Variants in PRH1 observed in about 807,000 individuals in gnomAD.
PRH1 encodes the protein proline rich protein HaeIII subfamily 1.
A neutral mutation model predicts 7.9 loss-of-function variants in PRH1; 7 were observed. The observed-to-expected ratio is 0.89, with a 90% CI of 0.50 to 1.67. PRH1 has a LOEUF of 1.67. Among genes scored for constraint, PRH1 ranks in the 40% most tolerant of loss-of-function variants. The pLI is 0.00. For synonymous variants in PRH1, 45 were observed against 80.8 expected, an observed-to-expected ratio of 0.56 and a Z score of 2.38; for missense variants, 109 against 223.6, an observed-to-expected ratio of 0.49 and a Z score of 3.27.
intron 1 of PRH1, among the ~76,000 whole-genome samples, chr12:11,090,266 G>C (rs112872106): frequency 2.1e-3 from 193 of 90,894 alleles, no homozygotes; most frequent in Non-Finnish European, 2.9e-3. Context: ...CAAAAAGTTT[G>C]ACTGAAATAT....
intron 1 of PRH1, chr12:11,133,833 G>A: frequency 6.2e-7 from 1 of 1,614,058 alleles, no homozygotes; most frequent in Non-Finnish European, 8.5e-7. Context: ...ACCAAAAATA[G>A]CAAAGGCCCC....
At chr12:11,170,808 G>A (rs1462010905) in intron 1 of PRH1, among the ~76,000 whole-genome samples, 1 of 152,138 alleles carries the variant, frequency 6.6e-6, no homozygotes, top group Non-Finnish European at 1.5e-5. Context: ...CTAATAAATA[G>A]AAAAATCCAA....
At chr12:11,129,747 T>C (rs1946272848) in intron 1 of PRH1, among the ~76,000 whole-genome samples, 2 of 152,254 alleles carry the variant, frequency 1.3e-5, no homozygotes, top group Non-Finnish European at 2.9e-5. Context: ...TCAAAACAAT[T>C]TGCCTTGTAA....
rs137897749 is a variant in PRH1 at position 11,109,750 on chromosome 12, C to T, written n.123+61672G>A. ...AAAAAAGGCTGAAAATTCCAAAAAC[C>T]GGAAGCCTCTTCTCTTCCAAAGGAT... On this transcript the variant is annotated intron_variant and non_coding_transcript_variant, in intron 1 of 4. Coordinates refer to the PRH1 transcript ENST00000541977. Among the ~76,000 whole-genome samples, 223 of 151,996 alleles carry T rather than the reference C, an allele frequency of 1.5e-3. 7 individuals carry two copies. The East Asian group carries it at 0.035, about 24-fold the overall frequency.
At chr12:11,122,075 T>C (rs74062441) in intron 1 of PRH1, among the ~76,000 whole-genome samples, 5,409 of 152,338 alleles carry the variant, frequency 0.036, 312 homozygotes, top group African/African-American at 0.12. Flanking sequence ...TTCATACACA[T>C]GCACACATAT....
At chr12:10,904,313 ATAT>A (rs1365099563) in intron 2 of PRH1, among the ~76,000 whole-genome samples, 6 of 152,028 alleles carry the variant, frequency 3.9e-5, no homozygotes, top group African/African-American at 1.4e-4. Flanking sequence ...CAGCATGGTA[ATAT>A]TATAAAAACA....
intron 2 of PRH1, chr12:10,965,183 C>T (rs952700098): frequency 3.4e-6 from 5 of 1,486,112 alleles, no homozygotes; most frequent in Non-Finnish European, 3.7e-6. Flanking sequence ...CCAGAGCAAA[C>T]CAACTCTGGA....
intron 2 of PRH1, among the ~76,000 whole-genome samples, chr12:10,946,479 G>C (rs534395368): frequency 6.6e-5 from 10 of 152,130 alleles, no homozygotes; most frequent in Non-Finnish European, 1.0e-4. Context: ...TGTAGGGTAA[G>C]TAATAACATT....
chr12:10,938,734 T>C, intron 2 of PRH1: 1 of 1,613,918 alleles, frequency 6.2e-7, no homozygotes, highest in East Asian at 2.2e-5. Context: ...TTCTTCTGTA[T>C]CCATTGATAC....
chr12:10,992,142 G>A (rs1331796248), intron 1 of PRH1, among the ~76,000 whole-genome samples: 1 of 152,112 alleles, frequency 6.6e-6, no homozygotes, highest in Non-Finnish European at 1.5e-5. Context: ...AGAGTTCAAT[G>A]ATTGAAGGAA....
At chr12:11,057,971 G>A (rs901202400) in intron 1 of PRH1, among the ~76,000 whole-genome samples, 1 of 151,588 alleles carries the variant, frequency 6.6e-6, no homozygotes, top group Non-Finnish European at 1.5e-5. Flanking sequence ...ATTACAGCCC[G>A]GGCCCTGTGG....
At chr12:10,924,531 G>A (rs996108124) in intron 2 of PRH1, among the ~76,000 whole-genome samples, 1 of 152,162 alleles carries the variant, frequency 6.6e-6, no homozygotes, top group African/African-American at 2.4e-5. Flanking sequence ...GACATAGGGA[G>A]GATTCCCTCT....
chr12:10,916,030 G>A (rs1316658899), intron 2 of PRH1, among the ~76,000 whole-genome samples: 1 of 152,178 alleles, frequency 6.6e-6, no homozygotes, highest in Admixed American at 6.5e-5. Flanking sequence ...ATTTATAAAG[G>A]AAAGAGGTTT....
intron 1 of PRH1, among the ~76,000 whole-genome samples, chr12:11,052,245 T>C (rs1190986180): frequency 6.6e-6 from 1 of 152,274 alleles, no homozygotes; most frequent in Non-Finnish European, 1.5e-5. Context: ...TGTTCAACTT[T>C]GTATTTTCAG....
chr12:10,978,938 C>T (rs1179338956), intron 1 of PRH1, among the ~76,000 whole-genome samples: 1 of 151,950 alleles, frequency 6.6e-6, no homozygotes, highest in Non-Finnish European at 1.5e-5. Flanking sequence ...CAAAAACAGA[C>T]TCTGTCAAGG....
At position 11,168,425 on chromosome 12, in the gene PRH1, A is replaced by G. The variant is rs931179027; in HGVS notation, n.39+2997T>C. The stretch of plus-strand genomic sequence containing the variant: ...GAAAGAAAGAAAGAAAGAAAGGAAA[A>G]GAAAAGAAAAGAAAAAAGAAAGAAA... On this transcript the variant is annotated intron_variant and non_coding_transcript_variant, in intron 1 of 1. Coordinates refer to the PRH1 transcript ENST00000541175. 2.9e-4 allele frequency among the ~76,000 whole-genome samples: 43 copies of G among 149,394 alleles called. 1 individual carries two copies. Among genetic ancestry groups the G allele is most frequent in the African/African-American group, 9.5e-4 (38 of 40,208 alleles).
At chr12:10,950,834 T>C (rs1950559640) in intron 2 of PRH1, among the ~76,000 whole-genome samples, 1 of 151,908 alleles carries the variant, frequency 6.6e-6, no homozygotes. Context: ...AAAATACAAA[T>C]TCTATCATTA....
chr12:11,014,826 A>G (rs1229382409), intron 1 of PRH1, among the ~76,000 whole-genome samples: 1 of 152,148 alleles, frequency 6.6e-6, no homozygotes, highest in Non-Finnish European at 1.5e-5. Flanking sequence ...ACTTTTAGGT[A>G]TAGGGCTCTT....
At position 11,077,937 on chromosome 12, in the gene PRH1, G is replaced by C. The variant is rs941765880; in HGVS notation, n.124-30749C>G. The C allele has an allele frequency of 2.1e-5, 20 of 943,656 alleles. 2 individuals are homozygous for C. The African/African-American group carries it at 3.0e-4, about 14-fold the overall frequency. The allele number at this position is 943,656 out of a possible 1,614,324, so 58.5% of individuals were successfully genotyped here. On this transcript the variant is annotated intron_variant and non_coding_transcript_variant, in intron 1 of 4. Coordinates refer to the PRH1 transcript ENST00000541977. The stretch of plus-strand genomic sequence containing the variant: ...CAATCTTGAGCAAATAAAATATGCT[G>C]AGGCTAGCAGCAAGCCAGATGCTGA...
Sources: allele counts gnomAD v4.1 joint callset (sites outside exome capture counted in the v4.1 genomes callset), GRCh38; gene constraint gnomAD v4.1.1; transcripts MANE v1.5; gene names NCBI Gene and HGNC (gene_info 2026-07-23, HGNC 2026-07-21).